Variants in RTL4 observed in about 807,000 individuals in gnomAD.
RTL4 encodes retrotransposon Gag-like protein 4.
In RTL4, 4 loss-of-function variants were observed where a neutral mutation model predicts 5.3. The ratio of observed to expected loss-of-function variants is 0.75; its 90% CI spans 0.37 to 1.72. The LOEUF (loss-of-function observed/expected upper bound fraction) is 1.72. RTL4 is among the 40% of genes most tolerant of loss of function. The probability of loss-of-function intolerance (pLI) is 0.04; values close to 1 mark genes in which losing one functional copy is unlikely to be tolerated. For missense variants in RTL4, 260 were observed against 227.1 expected (o/e 1.14, Z -0.93); for synonymous variants, 98 against 87.3 (o/e 1.12, Z -0.68).
At chrX:112,090,511 T>C in the RTL4 span, among the ~76,000 whole-genome samples, 1 of 111,484 alleles carries the variant, frequency 9.0e-6, no homozygotes, top group Non-Finnish European at 1.9e-5. Flanking sequence ...ATATGGTTTT[T>C]TCCTTCATTC....
chrX:112,303,540 A>T, the RTL4 span, among the ~76,000 whole-genome samples: 6 of 92,920 alleles, frequency 6.5e-5, no homozygotes, highest in African/African-American at 2.5e-4. Context: ...TCTCACTCAT[A>T]GATGGGAATT....
chrX:112,294,348 G>A, the RTL4 span, among the ~76,000 whole-genome samples: 2,393 of 111,357 alleles, frequency 0.021, 66 homozygotes, highest in African/African-American at 0.072. Flanking sequence ...CATAATCCCA[G>A]CACTTTGGGA....
At chrX:112,441,113 A>G in the RTL4 span, among the ~76,000 whole-genome samples, 36 of 111,582 alleles carry the variant, frequency 3.2e-4, no homozygotes, top group African/African-American at 8.8e-4. Flanking sequence ...CTGGTGCATG[A>G]ATCTGCTTTG....
chrX:112,446,016 T>C, the RTL4 span, among the ~76,000 whole-genome samples: 1 of 111,267 alleles, frequency 9.0e-6, no homozygotes, highest in Admixed American at 9.6e-5. Context: ...ATAGTAACGG[T>C]GCAGAAGGAA....
chrX:112,262,937 C>T, the RTL4 span, among the ~76,000 whole-genome samples: 6 of 95,137 alleles, frequency 6.3e-5, no homozygotes, highest in Admixed American at 4.3e-4. Context: ...AGCAAACTAT[C>T]GCAAGGACAA....
chrX:112,440,861 C>G, the RTL4 span, among the ~76,000 whole-genome samples: 1 of 111,662 alleles, frequency 9.0e-6, no homozygotes, highest in Admixed American at 9.6e-5. Flanking sequence ...TTCACCATTA[C>G]ACCTTCTTAT....
At chrX:112,350,813 A>G in the RTL4 span, among the ~76,000 whole-genome samples, 2 of 111,306 alleles carry the variant, frequency 1.8e-5, no homozygotes, top group Non-Finnish European at 3.8e-5. Context: ...TTTTCAAAAA[A>G]CAAGCTCCTG....
At chrX:112,261,798 A>C in the RTL4 span, among the ~76,000 whole-genome samples, 1 of 111,951 alleles carries the variant, frequency 8.9e-6, no homozygotes, top group Non-Finnish European at 1.9e-5. Context: ...AACTATATTA[A>C]AAGGCTGCAG....
chrX:112,199,416 A>G, the RTL4 span, among the ~76,000 whole-genome samples: 6,175 of 111,198 alleles, frequency 0.056, 453 homozygotes, highest in African/African-American at 0.19. Context: ...CAAGAGACTG[A>G]AAGGCACCAG....
At chrX:112,207,905 T>A in the RTL4 span, among the ~76,000 whole-genome samples, 2 of 110,761 alleles carry the variant, frequency 1.8e-5, no homozygotes, top group East Asian at 2.8e-4. Context: ...GTGTTCTAGC[T>A]TATGCTCATT....
the RTL4 span, among the ~76,000 whole-genome samples, chrX:112,403,277 C>T: frequency 5.4e-5 from 6 of 111,983 alleles, no homozygotes; most frequent in East Asian, 2.8e-4. Context: ...GTTTGTTGTG[C>T]GTAGGAACCA....
the RTL4 span, among the ~76,000 whole-genome samples, chrX:112,447,239 G>A: frequency 1.8e-5 from 2 of 111,781 alleles, no homozygotes; most frequent in Admixed American, 9.5e-5. Context: ...ATAGAAACTG[G>A]AGCTACTGAC....
the RTL4 span, among the ~76,000 whole-genome samples, chrX:112,300,599 G>T: frequency 1.8e-5 from 2 of 112,336 alleles, no homozygotes; most frequent in Admixed American, 1.9e-4. Flanking sequence ...GTTAACAAAG[G>T]TTCTCTACAT....
At chrX:112,212,018 A>G in the RTL4 span, among the ~76,000 whole-genome samples, 105 of 112,372 alleles carry the variant, frequency 9.3e-4, no homozygotes, top group African/African-American at 3.2e-3. Flanking sequence ...TTATCCTAAA[A>G]TTATCTCACC....
At chrX:112,244,773 C>G in the RTL4 span, among the ~76,000 whole-genome samples, 1 of 111,728 alleles carries the variant, frequency 9.0e-6, no homozygotes, top group Non-Finnish European at 1.9e-5. Context: ...TTCATTGATG[C>G]AGTTTCTTCC....
At chrX:112,228,838 T>C in the RTL4 span, among the ~76,000 whole-genome samples, 2 of 112,020 alleles carry the variant, frequency 1.8e-5, no homozygotes, top group East Asian at 5.6e-4. Flanking sequence ...TTTGTCTCCA[T>C]ATAATTCTAA....
At chrX:112,242,049 G>A in the RTL4 span, among the ~76,000 whole-genome samples, 15,768 of 110,097 alleles carry the variant, frequency 0.14, 851 homozygotes, top group Non-Finnish European at 0.16. Context: ...TGTTCCATTG[G>A]TCTATATCTC....
At chrX:112,352,009 T>C in the RTL4 span, among the ~76,000 whole-genome samples, 1 of 111,791 alleles carries the variant, frequency 8.9e-6, no homozygotes, top group Non-Finnish European at 1.9e-5. Flanking sequence ...CTGGTACCAA[T>C]TGTTCCTTTC....
chrX:112,445,261 G>C, the RTL4 span, among the ~76,000 whole-genome samples: 671 of 112,190 alleles, frequency 6.0e-3, 6 homozygotes, highest in African/African-American at 0.021. Context: ...AGAGTTATCT[G>C]TCCTTCTAAC....
Sources: allele counts gnomAD v4.1 joint callset (sites outside exome capture counted in the v4.1 genomes callset), GRCh38; gene constraint gnomAD v4.1.1; transcripts MANE v1.5; gene names NCBI Gene and HGNC (gene_info 2026-07-23, HGNC 2026-07-21).